Variants in NTN4 observed in about 807,000 individuals in gnomAD.
The protein encoded by NTN4 is netrin 4, also known as netrin-4.
A neutral mutation model predicts 73.6 loss-of-function variants in NTN4; 32 were observed. The observed-to-expected ratio is 0.44, with a 90% confidence interval of 0.33 to 0.58. NTN4 has a LOEUF of 0.58. Ranked by LOEUF, NTN4 falls within the 20% of genes least tolerant of loss-of-function variation. The probability of loss-of-function intolerance (pLI) is 0.04; values close to 1 mark genes in which losing one functional copy is unlikely to be tolerated. For missense variants in NTN4, 654 were observed against 798.3 expected (o/e 0.82, Z 2.18); for synonymous variants, 258 against 287.5 (o/e 0.90, Z 1.04).
intron 2 of NTN4, among the ~76,000 whole-genome samples, chr12:95,755,141 A>G (rs536358280): frequency 5.3e-5 from 8 of 152,228 alleles, no homozygotes; most frequent in Non-Finnish European, 1.0e-4. Flanking sequence ...TTCGCAGACT[A>G]GTTTTTGTAT....
chr12:95,670,443 T>C lies in NTN4; in HGVS notation c.1511-297A>G, dbSNP rs151114269. ...AATACAGTCTAGTATTAATATTCCA[T>C]GCTAACAGGAAGGAAAAACTGAATG... On this transcript the variant is annotated intron_variant, in intron 7 of 9. Coordinates refer to ENST00000343702, the MANE Select transcript of NTN4 (RefSeq NM_021229.4). The C allele has an allele frequency of 4.0e-4, 86 of 215,518 alleles. 1 individual carries two copies. The highest frequency in any genetic ancestry group is 1.5e-3 in the African/African-American group (65 of 44,040). The allele number at this position is 215,518 out of a possible 1,614,324, so 13.4% of individuals were successfully genotyped here.
intron 2 of NTN4, among the ~76,000 whole-genome samples, chr12:95,746,758 A>G (rs953127236): frequency 1.3e-5 from 2 of 152,144 alleles, no homozygotes; most frequent in Non-Finnish European, 2.9e-5. Flanking sequence ...ATCGAGCTCT[A>G]TCTAGGTTCC....
chr12:95,758,875 G>A (rs762048178), intron 2 of NTN4, among the ~76,000 whole-genome samples: 1 of 152,160 alleles, frequency 6.6e-6, no homozygotes, highest in Non-Finnish European at 1.5e-5. Context: ...TTTCTATGAT[G>A]TTCAGTTTAC....
rs757996770 is a variant in NTN4, at chr12:95,781,955, T to C, written c.585+4984A>G. 6.6e-6 allele frequency among the ~76,000 whole-genome samples: 1 copy of C among 152,190 alleles called. No individual in the cohort carries two copies. Among genetic ancestry groups the C allele is most frequent in the African/African-American group, 2.4e-5 (1 of 41,444 alleles). On this transcript the variant is annotated intron_variant, in intron 2 of 9. Transcript: ENST00000343702. This position sits in a 1 kb window ranked among gnomAD's most constrained non-coding sequence, Gnocchi z 4.1. ...ACTGCCATGTCTATGCCACCTGGAA[T>C]GGGATCTGACACATAGTAGCTTGAA...
intron 3 of NTN4, among the ~76,000 whole-genome samples, chr12:95,715,286 T>C (rs1210261548): frequency 6.6e-6 from 1 of 152,192 alleles, no homozygotes; most frequent in African/African-American, 2.4e-5. Context: ...AAGGTTCTCA[T>C]GCTTCATGAA....
At chr12:95,738,264 A>T in intron 2 of NTN4, 120 bp from the exon 3 acceptor site, 1 of 941,378 alleles carries the variant, frequency 1.1e-6, no homozygotes, top group Non-Finnish European at 1.6e-6. Context: ...TAAGATAACA[A>T]GAAGTTTTTA....
At position 95,674,894 on chromosome 12, in the gene NTN4, A is replaced by ACTT. The variant is rs140924894; in HGVS notation, c.1511-4751_1511-4749dup. On this transcript the variant is annotated intron_variant, in intron 7 of 9. Transcript: ENST00000343702. The stretch of plus-strand genomic sequence containing the variant: ...AGTCTGCAGTCATTCTGGTGCCAGC[A>ACTT]CTTTATGTGCTTGGCTGGAATGCTG... Among the ~76,000 whole-genome samples the ACTT allele has an allele frequency of 4.9e-4, 75 of 152,302 alleles. 1 individual carries two copies. The East Asian group carries it at 0.014, about 29-fold the overall frequency.
At chr12:95,742,948 C>T (rs78160678) in intron 2 of NTN4, among the ~76,000 whole-genome samples, 18,441 of 152,246 alleles carry the variant, frequency 0.12, 1,505 homozygotes, top group Non-Finnish European at 0.18. Flanking sequence ...CCACAAGTTC[C>T]GCACTCTTGA....
intron 5 of NTN4, among the ~76,000 whole-genome samples, chr12:95,684,773 C>T (rs2078348702): frequency 1.3e-5 from 2 of 152,196 alleles, no homozygotes; most frequent in Admixed American, 6.5e-5. Flanking sequence ...TACATATATA[C>T]ACTTTTCATA....
chr12:95,755,991 C>T (rs149809903), intron 2 of NTN4, among the ~76,000 whole-genome samples: 16 of 152,212 alleles, frequency 1.1e-4, no homozygotes, highest in East Asian at 1.9e-4. Flanking sequence ...GTGTCAGAAA[C>T]GTCCTTAGCA....
At chr12:95,756,648 G>A (rs565017733) in intron 2 of NTN4, among the ~76,000 whole-genome samples, 8 of 152,186 alleles carry the variant, frequency 5.3e-5, no homozygotes, top group Admixed American at 1.3e-4. Context: ...CTTCGTCTTG[G>A]ATCATCAATC....
At chr12:95,776,028 G>A (rs1055827169) in intron 2 of NTN4, among the ~76,000 whole-genome samples, 6 of 152,196 alleles carry the variant, frequency 3.9e-5, no homozygotes, top group Admixed American at 6.5e-5. Flanking sequence ...TGTAGCCTCC[G>A]CTGCTGACAC....
At chr12:95,661,746 C>G (rs1337428675) in intron 9 of NTN4, among the ~76,000 whole-genome samples, 1 of 152,150 alleles carries the variant, frequency 6.6e-6, no homozygotes, top group Non-Finnish European at 1.5e-5. Context: ...TAAACACCAC[C>G]ATAAATGAAC....
intron 7 of NTN4, chr12:95,673,385 G>C (rs2004786): frequency 4.2e-6 from 1 of 237,688 alleles, no homozygotes; most frequent in Non-Finnish European, 8.4e-6. Context: ...AAGAACTTGT[G>C]GGGGAGGAAC....
chr12:95,750,585 C>G (rs1289093245), intron 2 of NTN4, among the ~76,000 whole-genome samples: 39 of 152,298 alleles, frequency 2.6e-4, no homozygotes, highest in Non-Finnish European at 4.4e-5. Context: ...GTCTGAGGTG[C>G]CTGACGTCCA....
chr12:95,788,754 A>G (rs1220649927), intron 1 of NTN4, among the ~76,000 whole-genome samples: 2 of 152,212 alleles, frequency 1.3e-5, no homozygotes, highest in East Asian at 3.8e-4. Context: ...TAAAGTGTGC[A>G]TTATGCCTGG....
chr12:95,659,242 G>A lies in NTN4; in HGVS notation c.1751-20C>T. 1 of 1,595,894 alleles carries A rather than the reference G, an allele frequency of 6.3e-7. No individual in the cohort carries two copies. The highest frequency in any genetic ancestry group is 8.5e-7 in the Non-Finnish European group (1 of 1,171,392). On this transcript the variant is annotated intron_variant, in intron 9 of 9. Coordinates refer to ENST00000343702, the MANE Select transcript of NTN4 (RefSeq NM_021229.4). ...CCAAACCTAAAAAAGAACAAAATTA[G>A]GGGCTATACAGTATCATACTTTGTT... is the stretch of plus-strand genomic sequence containing the variant.
intron 2 of NTN4, among the ~76,000 whole-genome samples, chr12:95,763,215 A>G (rs1421364952): frequency 6.6e-6 from 1 of 152,214 alleles, no homozygotes; most frequent in Non-Finnish European, 1.5e-5. Context: ...ATCTCTATCA[A>G]AAGTGGTATT....
At chr12:95,700,814 C>CTTTTTTTTTTTTTTTTTTTTT (rs71911993) in intron 5 of NTN4, among the ~76,000 whole-genome samples, 1 of 107,548 alleles carries the variant, frequency 9.3e-6, no homozygotes, top group Non-Finnish European at 1.9e-5. Context: ...TTCTTTCTTT[C>CTTTTTTTTTTTTTTTTTTTTT]TTTTTTTTTT....
Sources: allele counts gnomAD v4.1 joint callset (sites outside exome capture counted in the v4.1 genomes callset), GRCh38; gene constraint gnomAD v4.1.1; non-coding constraint Gnocchi (gnomAD v3.1); transcripts MANE v1.5; gene names NCBI Gene and HGNC (gene_info 2026-07-23, HGNC 2026-07-21).